OR1M1: variants seen among roughly 807,000 people sequenced by gnomAD.
OR1M1 encodes the protein olfactory receptor 1M1.
For synonymous variants in OR1M1, 157 were observed against 165.5 expected, an observed-to-expected ratio of 0.95 and a Z score of 0.39; for missense variants, 397 against 401.8, an observed-to-expected ratio of 0.99 and a Z score of 0.10.
At position 9,093,232 on chromosome 19, in the gene OR1M1, A is replaced by G; in HGVS notation, c.-13A>G. 6.4e-7 allele frequency: 1 copy of G among 1,567,022 alleles called. No individual in the cohort carries two copies. The highest frequency in any genetic ancestry group is 8.7e-7 in the Non-Finnish European group (1 of 1,148,776). ...TAACCTCCCCTTTCCATACTTCCAG[A>G]GGAATCACACCCATGGAACCAAGAA... On this transcript the variant is annotated splice_region_variant and 5_prime_UTR_variant, in exon 2 of 2. Transcript: ENST00000641627.
intron 1 of OR1M1, among the ~76,000 whole-genome samples, chr19:9,089,352 G>T (rs1353399432): frequency 1.3e-5 from 2 of 150,158 alleles, no homozygotes; most frequent in African/African-American, 4.9e-5. Context: ...TTCTTTCCAT[G>T]TTGCTGTAAA....
At position 9,087,469 on chromosome 19, in the gene OR1M1, G is replaced by A. The variant is rs182769317; in HGVS notation, c.-14+312G>A. Among the ~76,000 whole-genome samples, 19 of 151,912 alleles carry A rather than the reference G, an allele frequency of 1.3e-4. No homozygotes were observed. In the East Asian group the frequency reaches 2.9e-3, roughly 23 times the overall value. The stretch of plus-strand genomic sequence containing the variant: ...ATTTTTTGAACATTTTTCCCCCACC[G>A]AGATGGAGTTTTGCTCTTGTTGCCC... On this transcript the variant is annotated intron_variant, in intron 1 of 1. Transcript: ENST00000641627.
intron 1 of OR1M1, among the ~76,000 whole-genome samples, chr19:9,089,057 T>A (rs922607590): frequency 2.0e-5 from 3 of 152,158 alleles, no homozygotes; most frequent in Non-Finnish European, 4.4e-5. Flanking sequence ...ACACTCAATA[T>A]CCTCCTTCTA....
chr19:9,087,696 C>T (rs1250268118), intron 1 of OR1M1, among the ~76,000 whole-genome samples: 4 of 152,064 alleles, frequency 2.6e-5, no homozygotes, highest in African/African-American at 4.8e-5. Flanking sequence ...GGTGATCACC[C>T]GCCTCAGCCT....
At chr19:9,089,421 ATT>A (rs35699571) in intron 1 of OR1M1, among the ~76,000 whole-genome samples, 61,688 of 118,124 alleles carry the variant, frequency 0.52, 13,820 homozygotes, top group East Asian at 0.64. Flanking sequence ...TTTCTACCAC[ATT>A]TTTTTTTTTT....
In OR1M1 at chr19:9,094,081, A is replaced by G. The variant is rs748771920; in HGVS notation, c.837A>G (p.Thr279=). 6.2e-7 allele frequency: 1 copy of G among 1,612,972 alleles called. No individual in the cohort carries two copies. The highest frequency in any genetic ancestry group is 8.5e-7 in the Non-Finnish European group (1 of 1,179,194). The change falls in exon 2 of 2, where the codon ACA becomes ACG. Residue 279 remains threonine (T), a synonymous_variant. Coordinates refer to ENST00000641627, the MANE Select transcript of OR1M1 (RefSeq NM_001004456.2). ...AGAAAGCTTCTGCGGTGATGTACACAGCAGTCACCCCCATGCTGAATCCCT... is the reference window on the plus strand; with the variant it reads ...AGAAAGCTTCTGCGGTGATGTACACGGCAGTCACCCCCATGCTGAATCCCT... ...VKEKASAVMY[T]AVTPMLNPFI...
intron 1 of OR1M1, among the ~76,000 whole-genome samples, chr19:9,088,635 C>T (rs924120536): frequency 1.3e-5 from 2 of 152,194 alleles, no homozygotes; most frequent in Middle Eastern, 3.4e-3. Context: ...CCTGTAATCC[C>T]AGCACTTTGG....
intron 1 of OR1M1, among the ~76,000 whole-genome samples, chr19:9,091,906 C>G (rs1240889313): frequency 6.6e-6 from 1 of 151,536 alleles, no homozygotes; most frequent in East Asian, 1.9e-4. Context: ...TTGTATAACC[C>G]TATTATTATT....
At chr19:9,090,720 C>A (rs1235779332) in intron 1 of OR1M1, among the ~76,000 whole-genome samples, 1 of 151,712 alleles carries the variant, frequency 6.6e-6, no homozygotes, top group Non-Finnish European at 1.5e-5. Context: ...AGGCATGAGC[C>A]ACCGCGCCCG....
At position 9,093,862 on chromosome 19, in the gene OR1M1, G is replaced by A; in HGVS notation, c.618G>A (p.Val206=). The change falls in exon 2 of 2, where the codon GTG becomes GTA. Residue 206 remains valine, a synonymous_variant. Coordinates refer to ENST00000641627, the MANE Select transcript of OR1M1 (RefSeq NM_001004456.2). ...RIFILIVAGM[V]IATPFVCILA... is the part of the protein sequence containing the mutation. ...TCATCCTCATTGTGGCAGGGATGGT[G>A]ATAGCCACGCCCTTTGTCTGCATCC... is the stretch of plus-strand genomic sequence containing the variant. 1 of 1,614,088 alleles carries A rather than the reference G, an allele frequency of 6.2e-7. No homozygotes were observed. The highest frequency in any genetic ancestry group is 8.5e-7 in the Non-Finnish European group (1 of 1,180,008).
chr19:9,088,087 C>A (rs749364503), intron 1 of OR1M1, among the ~76,000 whole-genome samples: 2 of 151,882 alleles, frequency 1.3e-5, no homozygotes, highest in Non-Finnish European at 2.9e-5. Context: ...GCTGGGGTTT[C>A]ACCATAATGG....
chr19:9,094,104 C>A lies in OR1M1; in HGVS notation c.860C>A (p.Pro287His). 2.5e-6 allele frequency: 4 copies of A among 1,613,788 alleles called. No homozygotes were observed. Among genetic ancestry groups the A allele is most frequent in the Non-Finnish European group, 3.4e-6 (4 of 1,179,966 alleles). Residue 287 changes from proline (P) to histidine (H), a missense_variant, in exon 2 of 2, where the codon CCC (proline) becomes CAC (histidine). By Grantham distance (77) the Pro-to-His change is moderately conservative. Coordinates refer to ENST00000641627, the MANE Select transcript of OR1M1 (RefSeq NM_001004456.2). ...ACAGCAGTCACCCCCATGCTGAATC[C>A]CTTCATCTACAGCTTGAGGAACAGA... is the stretch of plus-strand genomic sequence containing the variant. ...MYTAVTPMLN[P>H]FIYSLRNRDL...
chr19:9,090,528 G>A (rs1057336047), intron 1 of OR1M1, among the ~76,000 whole-genome samples: 18 of 152,120 alleles, frequency 1.2e-4, no homozygotes, highest in South Asian at 1.0e-3. Flanking sequence ...TGGCGCAATC[G>A]GGGCTCACTG....
intron 1 of OR1M1, 193 bp from the exon 2 acceptor site, chr19:9,093,039 A>G (rs28758202): frequency 7.0e-4 from 100 of 143,058 alleles, no homozygotes; most frequent in African/African-American, 5.3e-3. Flanking sequence ...CTCTCTCTCT[A>G]TATATATATA....
chr19:9,095,266 T>C lies in OR1M1; in HGVS notation c.*1080T>C, dbSNP rs2145906572. 1.3e-5 allele frequency: 2 copies of C among 152,388 alleles called. No individual in the cohort carries two copies. Among genetic ancestry groups the C allele is most frequent in the East Asian group, 3.9e-4 (2 of 5,192 alleles). The allele number at this position is 152,388 out of a possible 1,614,324, so 9.4% of individuals were successfully genotyped here. A position where few individuals can be genotyped will look rare whatever the true frequency, so the allele number is the denominator to read the frequency against. On this transcript the variant is annotated 3_prime_UTR_variant, in exon 2 of 2. Coordinates refer to ENST00000641627, the MANE Select transcript of OR1M1 (RefSeq NM_001004456.2). ...TAGCCACGCAGTCTGCGGTGTTTTG[T>C]TATAACCAGCCCTGGCCGAATAACA... is the stretch of plus-strand genomic sequence containing the variant.
rs2050313568 is a variant in OR1M1, at chr19:9,094,105, C to T, written c.861C>T (p.Pro287=). 3 of 1,613,880 alleles carry T rather than the reference C, an allele frequency of 1.9e-6. 1 individual carries two copies. The Middle Eastern group carries it at 4.9e-4, about 266-fold the overall frequency. Residue 287 remains proline, a synonymous_variant, in exon 2 of 2, where the codon CCC becomes CCT. Transcript: ENST00000641627. ...MYTAVTPMLN[P]FIYSLRNRDL... is the part of the protein sequence containing the mutation. ...CAGCAGTCACCCCCATGCTGAATCC[C>T]TTCATCTACAGCTTGAGGAACAGAG...
At chr19:9,091,141 C>T (rs970285285) in intron 1 of OR1M1, among the ~76,000 whole-genome samples, 11 of 151,002 alleles carry the variant, frequency 7.3e-5, no homozygotes, top group Non-Finnish European at 1.2e-4. Context: ...CACTCCAGCC[C>T]GAGTGACAGA....
At chr19:9,087,872 G>T (rs1185094786) in intron 1 of OR1M1, among the ~76,000 whole-genome samples, 2 of 151,896 alleles carry the variant, frequency 1.3e-5, no homozygotes, top group Admixed American at 1.3e-4. Flanking sequence ...ATGATTATTT[G>T]TAGCACTGTT....
chr19:9,088,748 TGTG>T (rs933229465), intron 1 of OR1M1, among the ~76,000 whole-genome samples: 1 of 151,796 alleles, frequency 6.6e-6, no homozygotes, highest in African/African-American at 2.4e-5. Flanking sequence ...ATTAGCCAGG[TGTG>T]GTGGTGGGTG....
Sources: gnomAD v4.1 joint callset for allele counts (sites outside exome capture counted in the v4.1 genomes callset) on GRCh38, gnomAD v4.1.1 for gene constraint, MANE v1.5 for transcripts, NCBI Gene and HGNC (gene_info 2026-07-23, HGNC 2026-07-21) for gene names.